Variants in MED13L observed in about 807,000 individuals in gnomAD.
The protein encoded by MED13L is mediator complex subunit 13L, also known as mediator of RNA polymerase II transcription subunit 13-like.
A neutral mutation model predicts 220.9 loss-of-function variants in MED13L; 7 were observed. The ratio of observed to expected loss-of-function variants is 0.03; its 90% CI spans 0.02 to 0.06. The LOEUF (loss-of-function observed/expected upper bound fraction) is 0.06, where lower values mean the gene tolerates loss of function less well. Among genes scored for constraint, MED13L ranks in the 10% least tolerant of loss-of-function variants. The pLI is 1.00. For missense variants in MED13L, 1,965 were observed against 2,760.5 expected, an observed-to-expected ratio of 0.71 and a Z score of 6.46; for synonymous variants, 1,011 against 1,015.2, an observed-to-expected ratio of 1.00 and a Z score of 0.08.
intron 3 of MED13L, among the ~76,000 whole-genome samples, chr12:116,102,645 T>C (rs999460415): frequency 8.1e-5 from 12 of 148,098 alleles, no homozygotes; most frequent in African/African-American, 3.0e-4. Flanking sequence ...TAAACCTACA[T>C]AATCAAGGGG....
At position 115,975,535 on chromosome 12, in the gene MED13L, T is replaced by C. The variant is rs773724563; in HGVS notation, c.5568A>G (p.Val1856=). The change falls in exon 24 of 31, where the codon GTA becomes GTG. Residue 1856 remains valine, a synonymous_variant. Transcript: ENST00000281928. Reference sequence around the variant, plus strand: ...CTCACCTGTTTGGTAAAGCAATATTTACAACGCAGGTCTCTAATAATTCCC... The same window carrying C: ...CTCACCTGTTTGGTAAAGCAATATTCACAACGCAGGTCTCTAATAATTCCC... ...LHGELLETCV[V]NIALPNRSRR... 1 of 1,614,104 alleles carries C rather than the reference T, an allele frequency of 6.2e-7. No individual in the cohort carries two copies. The highest frequency in any genetic ancestry group is 1.1e-5 in the South Asian group (1 of 91,084).
At chr12:116,104,695 C>T (rs991760995) in intron 3 of MED13L, among the ~76,000 whole-genome samples, 1 of 152,174 alleles carries the variant, frequency 6.6e-6, no homozygotes, top group African/African-American at 2.4e-5. Flanking sequence ...CTTCAAAAGA[C>T]CCAAGTAATC....
intron 2 of MED13L, among the ~76,000 whole-genome samples, chr12:116,145,321 C>T (rs143437204): frequency 8.3e-4 from 126 of 152,322 alleles, no homozygotes; most frequent in African/African-American, 2.9e-3. Flanking sequence ...ATTTCCTCAT[C>T]ACAGGCTGAA....
At chr12:116,102,272 G>A (rs1044653188) in intron 3 of MED13L, among the ~76,000 whole-genome samples, 3 of 152,186 alleles carry the variant, frequency 2.0e-5, no homozygotes, top group Non-Finnish European at 4.4e-5. Context: ...CAGACCTGAC[G>A]TAAGATTACA....
intron 1 of MED13L, among the ~76,000 whole-genome samples, chr12:116,254,556 C>T (rs1049922971): frequency 1.3e-5 from 2 of 152,132 alleles, no homozygotes; most frequent in Non-Finnish European, 2.9e-5. Flanking sequence ...CAAGACCAGC[C>T]TGGTCAACAT....
intron 2 of MED13L, among the ~76,000 whole-genome samples, chr12:116,219,032 A>G (rs1346731744): frequency 6.6e-6 from 1 of 152,228 alleles, no homozygotes; most frequent in Non-Finnish European, 1.5e-5. Context: ...CACCACACCC[A>G]GCCTATACCG....
At chr12:116,232,348 A>C (rs941990054) in intron 2 of MED13L, among the ~76,000 whole-genome samples, 2 of 152,214 alleles carry the variant, frequency 1.3e-5, no homozygotes, top group African/African-American at 4.8e-5. Flanking sequence ...GAGACAACAT[A>C]AATTTTAAAA....
chr12:116,210,550 C>CCT (rs1882625574), intron 2 of MED13L, among the ~76,000 whole-genome samples: 2 of 60,386 alleles, frequency 3.3e-5, no homozygotes, highest in Admixed American at 2.9e-4. Context: ...CAGAACGTAA[C>CCT]CTATATATAT....
chr12:116,276,727 G>T, intron 1 of MED13L: 1 of 775,320 alleles, frequency 1.3e-6, no homozygotes, highest in Non-Finnish European at 1.8e-6. Flanking sequence ...AAAAAAAGGG[G>T]GGAAAGGGGA....
chr12:116,141,692 G>T (rs1041755568), intron 2 of MED13L, among the ~76,000 whole-genome samples: 1 of 152,054 alleles, frequency 6.6e-6, no homozygotes, highest in Non-Finnish European at 1.5e-5. Context: ...CATCAACCTG[G>T]ATCATGACAA....
In MED13L at chr12:115,963,478, T is replaced by G. The variant is rs781267736; in HGVS notation, c.6429A>C (p.Glu2143Asp). The change falls in exon 30 of 31, where the codon GAA becomes GAC. Residue 2143 changes from glutamate (E) to aspartate (D), a missense_variant. Physicochemically the swap from Glu to Asp is conservative, Grantham distance 45. Around this residue, in one of 10 missense-constraint regions of MED13L, gnomAD observed 145 missense variants for 328.3 expected, o/e 0.44. Coordinates refer to ENST00000281928, the MANE Select transcript of MED13L (RefSeq NM_015335.5). ...GCTGAGAATTCCTGGCAGGCAGAAG[T>G]TCGTCTGTCTGTGCTACTGAAATGT... ...HHHISVAQTD[E>D]LLPARNSQRV... 6 of 1,614,186 alleles carry G rather than the reference T, an allele frequency of 3.7e-6. No homozygotes were observed. The South Asian group carries it at 6.6e-5, about 18-fold the overall frequency.
intron 14 of MED13L, among the ~76,000 whole-genome samples, chr12:116,001,283 G>A (rs936514371): frequency 1.3e-5 from 2 of 152,156 alleles, no homozygotes; most frequent in Admixed American, 1.3e-4. Context: ...TGCAACCTCC[G>A]CCTCCTGGGT....
At position 115,959,000 on chromosome 12, in the gene MED13L, TAAAAATAAAA is replaced by T. The variant is rs968937250; in HGVS notation, c.*2256_*2265del. ...CTGATTTCTGCAGAATTTCCAAAAT[TAAAAATAAAA>T]AAAAATAAAATAACTTCTCACTCTG... On this transcript the variant is annotated 3_prime_UTR_variant, in exon 31 of 31. Transcript: ENST00000281928. The T allele has an allele frequency of 1.3e-5, 2 of 152,100 alleles. No homozygotes were observed. Among genetic ancestry groups the T allele is most frequent in the African/African-American group, 4.8e-5 (2 of 41,294 alleles). The allele number at this position is 152,100 out of a possible 1,614,324, so 9.4% of individuals were successfully genotyped here. A position where few individuals can be genotyped will look rare whatever the true frequency, so the allele number is the denominator to read the frequency against.
Position 115,982,927 on chromosome 12 carries a change from T to C in MED13L, c.4955+190A>G, listed in dbSNP as rs530298413. 7.5e-4 allele frequency among the ~76,000 whole-genome samples: 114 copies of C among 152,336 alleles called. 1 individual carries two copies. The highest frequency in any genetic ancestry group is 3.7e-3 in the South Asian group (18 of 4,834). Reference sequence around the variant, plus strand: ...TAATAATAAAGTTTATAATTCATAATAATTTATAAGAAGTCTCAAATTTTT... The same window carrying C: ...TAATAATAAAGTTTATAATTCATAACAATTTATAAGAAGTCTCAAATTTTT... On this transcript the variant is annotated intron_variant, in intron 21 of 30. Coordinates refer to ENST00000281928, the MANE Select transcript of MED13L (RefSeq NM_015335.5).
chr12:116,092,168 A>G (rs1872276400), intron 4 of MED13L, among the ~76,000 whole-genome samples: 2 of 152,378 alleles, frequency 1.3e-5, no homozygotes, highest in African/African-American at 4.8e-5. Context: ...CCACATGTGC[A>G]AAGTAAATTT....
intron 2 of MED13L, among the ~76,000 whole-genome samples, chr12:116,202,477 T>TA (rs1882062482): frequency 6.6e-6 from 1 of 152,154 alleles, no homozygotes; most frequent in African/African-American, 2.4e-5. Flanking sequence ...TTGAGAAATA[T>TA]AACACTGTAT....
chr12:115,960,871 AT>A lies in MED13L; in HGVS notation c.*394del, dbSNP rs1208049932. 3 of 288,838 alleles carry A rather than the reference AT, an allele frequency of 1.0e-5. No homozygotes were observed. The highest frequency in any genetic ancestry group is 4.3e-5 in the African/African-American group (2 of 46,204). 17.9% of individuals were successfully genotyped at this position (288,838 alleles called of 1,614,324 possible). ...AGGCCATACACCAGTAACTAAGAGG[AT>A]TTCATCCAAAGGGCTAGACTGCCCT... On this transcript the variant is annotated 3_prime_UTR_variant, in exon 31 of 31. Transcript: ENST00000281928.
chr12:116,142,322 T>C (rs1190006096), intron 2 of MED13L, among the ~76,000 whole-genome samples: 5 of 152,212 alleles, frequency 3.3e-5, no homozygotes, highest in Admixed American at 6.5e-5. Flanking sequence ...ACTCAAATAC[T>C]TGTGAACAAC....
At chr12:116,029,759 A>G (rs1320985665) in intron 4 of MED13L, among the ~76,000 whole-genome samples, 1 of 152,214 alleles carries the variant, frequency 6.6e-6, no homozygotes, top group Non-Finnish European at 1.5e-5. Context: ...AAAAATTTGA[A>G]TAAGAAGAAA....
Sources: allele counts gnomAD v4.1 joint callset (sites outside exome capture counted in the v4.1 genomes callset), GRCh38; gene constraint gnomAD v4.1.1; regional missense constraint gnomAD v4.1.1; transcripts MANE v1.5; gene names NCBI Gene and HGNC (gene_info 2026-07-23, HGNC 2026-07-21).